GRM8: variants seen among roughly 807,000 people sequenced by gnomAD.
GRM8 encodes metabotropic glutamate receptor 8.
GRM8 carries 47 observed loss-of-function variants against 87.2 expected under a neutral mutation model. The observed-to-expected ratio is 0.54, with a 90% CI of 0.43 to 0.69. The LOEUF is 0.69. Ranked by LOEUF, GRM8 falls within the 30% of genes least tolerant of loss-of-function variation. The pLI is 0.00. For synonymous variants in GRM8, 396 were observed against 404.5 expected, an observed-to-expected ratio of 0.98 and a Z score of 0.25; for missense variants, 1,019 against 1,139.2, an observed-to-expected ratio of 0.89 and a Z score of 1.52.
At chr7:127,164,402 C>T (rs1793308502) in intron 2 of GRM8, among the ~76,000 whole-genome samples, 1 of 152,072 alleles carries the variant, frequency 6.6e-6, no homozygotes, top group South Asian at 2.1e-4. Flanking sequence ...CTGGAGTTAG[C>T]CCTAAAAGTA....
chr7:126,616,768 A>T (rs1483197265), intron 7 of GRM8, among the ~76,000 whole-genome samples: 1 of 152,228 alleles, frequency 6.6e-6, no homozygotes, highest in Non-Finnish European at 1.5e-5. Context: ...ATAAACTAGA[A>T]AATCTAGAAG....
chr7:126,598,590 T>G (rs1797437476), intron 8 of GRM8, among the ~76,000 whole-genome samples: 1 of 152,072 alleles, frequency 6.6e-6, no homozygotes, highest in Non-Finnish European at 1.5e-5. Context: ...GTAAGGCCTT[T>G]CGAAATATTT....
At chr7:126,600,165 T>C (rs1797591494) in intron 8 of GRM8, among the ~76,000 whole-genome samples, 1 of 152,204 alleles carries the variant, frequency 6.6e-6, no homozygotes, top group African/African-American at 2.4e-5. Flanking sequence ...AATCTGTACC[T>C]GTATAATTAT....
Position 127,242,743 on chromosome 7 carries a change from T to C in GRM8, c.462A>G (p.Ala154=), listed in dbSNP as rs1798379130. The change falls in exon 2 of 11, where the codon GCA becomes GCG. Residue 154 remains alanine, a synonymous_variant. Coordinates refer to ENST00000339582, the MANE Select transcript of GRM8 (RefSeq NM_000845.3). ...CAACCATGATGGACACGGAGCTTGCTGCAGCACCTATGACGCCAGAAATCT... is the reference window on the plus strand; with the variant it reads ...CAACCATGATGGACACGGAGCTTGCCGCAGCACCTATGACGCCAGAAATCT... ...PDKISGVIGA[A]ASSVSIMVAN... is the part of the protein sequence containing the mutation. 1.2e-6 allele frequency: 2 copies of C among 1,614,230 alleles called. No individual in the cohort carries two copies. The highest frequency in any genetic ancestry group is 1.3e-5 in the African/African-American group (1 of 75,076).
intron 2 of GRM8, among the ~76,000 whole-genome samples, chr7:127,155,410 C>T (rs1587151071): frequency 6.6e-6 from 1 of 152,118 alleles, no homozygotes; most frequent in Admixed American, 6.6e-5. Context: ...TAACTCTCAT[C>T]GATCTTTTAA....
chr7:126,462,838 G>C (rs1804040556), intron 9 of GRM8, among the ~76,000 whole-genome samples: 3 of 151,474 alleles, frequency 2.0e-5, no homozygotes, highest in Admixed American at 1.3e-4. Flanking sequence ...TTTTTACCAA[G>C]CAACTTTATA....
chr7:126,962,218 G>T (rs1414094667), intron 3 of GRM8, among the ~76,000 whole-genome samples: 2 of 152,166 alleles, frequency 1.3e-5, no homozygotes, highest in African/African-American at 4.8e-5. Context: ...CCCTGTAAGG[G>T]TAGGTATTAG....
chr7:127,163,596 A>G (rs1793257399), intron 2 of GRM8, among the ~76,000 whole-genome samples: 1 of 152,188 alleles, frequency 6.6e-6, no homozygotes, highest in South Asian at 2.1e-4. Context: ...ATCCATGTAT[A>G]AGAATGATAC....
At chr7:126,790,254 C>T (rs1417357531) in intron 6 of GRM8, among the ~76,000 whole-genome samples, 5 of 152,144 alleles carry the variant, frequency 3.3e-5, no homozygotes, top group African/African-American at 1.2e-4. Context: ...GTGGTCCACC[C>T]GCCTCAGCCT....
At chr7:127,010,295 T>C (rs1375133514) in intron 3 of GRM8, among the ~76,000 whole-genome samples, 1 of 152,226 alleles carries the variant, frequency 6.6e-6, no homozygotes, top group Admixed American at 6.5e-5. Flanking sequence ...AGTTGCCTTC[T>C]GTTTGCAACA....
At chr7:126,806,895 C>G (rs1004141791) in intron 6 of GRM8, among the ~76,000 whole-genome samples, 1 of 152,340 alleles carries the variant, frequency 6.6e-6, no homozygotes, top group Admixed American at 6.5e-5. Context: ...CACACCTCCC[C>G]GCGAGCAGAG....
chr7:127,150,043 GT>G (rs1828767783), intron 2 of GRM8, among the ~76,000 whole-genome samples: 1 of 151,838 alleles, frequency 6.6e-6, no homozygotes, highest in African/African-American at 2.4e-5. Context: ...AAAACAAAGG[GT>G]AACTATGTGA....
intron 7 of GRM8, among the ~76,000 whole-genome samples, chr7:126,671,692 C>T (rs1240472679): frequency 6.6e-6 from 1 of 152,166 alleles, no homozygotes; most frequent in Non-Finnish European, 1.5e-5. Context: ...TCCTACAAAT[C>T]CTGCCAGGTA....
chr7:126,568,745 A>G (rs1169284866), intron 8 of GRM8, among the ~76,000 whole-genome samples: 1 of 152,184 alleles, frequency 6.6e-6, no homozygotes, highest in Non-Finnish European at 1.5e-5. Context: ...TGATTCTTCC[A>G]TAAGATTTTG....
intron 3 of GRM8, among the ~76,000 whole-genome samples, chr7:126,974,573 G>C (rs1329514412): frequency 6.6e-6 from 1 of 152,088 alleles, no homozygotes. Flanking sequence ...GATGAAATAA[G>C]GTAGCTGGAG....
At chr7:126,884,589 A>G (rs180724936) in intron 6 of GRM8, among the ~76,000 whole-genome samples, 1 of 152,316 alleles carries the variant, frequency 6.6e-6, no homozygotes, top group Non-Finnish European at 1.5e-5. Flanking sequence ...TGATAGCAGA[A>G]AAAACATATA....
chr7:126,880,500 A>G lies in GRM8; in HGVS notation c.1156+22042T>C, dbSNP rs372050857. 2.0e-5 allele frequency among the ~76,000 whole-genome samples: 3 copies of G among 152,320 alleles called. No individual in the cohort carries two copies. The East Asian group carries it at 5.8e-4, about 29-fold the overall frequency. On this transcript the variant is annotated intron_variant, in intron 6 of 10. Transcript: ENST00000339582. The stretch of plus-strand genomic sequence containing the variant: ...TGCTTCCACATAAAGTCCAAGAGCT[A>G]GAAATGAGAATGATGTTCTCTACAA...
intron 6 of GRM8, among the ~76,000 whole-genome samples, chr7:126,897,461 T>C (rs1327210906): frequency 6.6e-6 from 1 of 151,622 alleles, no homozygotes; most frequent in African/African-American, 2.4e-5. Context: ...AATAAGTGTG[T>C]GAAAAATGTG....
chr7:126,580,645 C>T (rs554505611), intron 8 of GRM8, among the ~76,000 whole-genome samples: 54 of 152,112 alleles, frequency 3.6e-4, no homozygotes, highest in Non-Finnish European at 6.8e-4. Context: ...TCTCCACTAG[C>T]TGAATGAACT....
Sources: allele counts gnomAD v4.1 joint callset (sites outside exome capture counted in the v4.1 genomes callset), GRCh38; gene constraint gnomAD v4.1.1; transcripts MANE v1.5; gene names NCBI Gene and HGNC (gene_info 2026-07-23, HGNC 2026-07-21).